The following EPHB4 variants were observed in gnomAD, a reference collection of about 807,000 sequenced individuals.
EPHB4 encodes the protein EPH receptor B4.
EPHB4 carries 50 observed loss-of-function variants against 110.6 expected under a neutral mutation model. That is an observed-to-expected ratio of 0.45 (90% CI 0.36 to 0.57). The LOEUF is 0.57. Ranked by LOEUF, EPHB4 falls within the 20% of genes least tolerant of loss-of-function variation. EPHB4 has a pLI of 0.00. For synonymous variants in EPHB4, 592 were observed against 578.4 expected (o/e 1.02, Z -0.34); for missense variants, 1,128 against 1,382.1 (o/e 0.82, Z 2.91).
At chr7:100,813,067 A>G (rs781362497) in intron 11 of EPHB4, 28 bp downstream of exon 11, 1 of 1,613,176 alleles carries the variant, frequency 6.2e-7, no homozygotes, top group East Asian at 2.2e-5. Context: ...CTTCGTTCCC[A>G]GGTGCCCGGG....
In EPHB4 at chr7:100,812,935, C is replaced by T. The variant is rs1812971931; in HGVS notation, c.1930G>A (p.Val644Met). 6.2e-7 allele frequency: 1 copy of T among 1,614,098 alleles called. No individual in the cohort carries two copies. Among genetic ancestry groups the T allele is most frequent in the African/African-American group, 1.3e-5 (1 of 74,948 alleles). ...CCACCCTTCAGGGTCTTGATTGCCA[C>T]ACAGCTCTCCTTCTTCCCTGGGGCC... ...LKAPGKKESCVAIKTLKGGYT... is the reference protein window; with the variant it reads ...LKAPGKKESCMAIKTLKGGYT... The change falls in exon 12 of 17, where the codon GTG (valine) becomes ATG (methionine). Residue 644 changes from valine to methionine, a missense_variant. This residue lies in a region of EPHB4 where 191 missense variants were observed against 313.0 expected (regional missense o/e 0.61). Transcript: ENST00000358173.
chr7:100,812,537 C>T (rs1001626076), intron 12 of EPHB4, among the ~76,000 whole-genome samples: 3 of 152,018 alleles, frequency 2.0e-5, no homozygotes, highest in African/African-American at 7.2e-5. Flanking sequence ...AGCAATGAGC[C>T]GAGATCGCGC....
In EPHB4 at chr7:100,824,417, C is replaced by T. The variant is rs1813320531; in HGVS notation, c.53-144G>A. Reference sequence around the variant, plus strand: ...GGCCAAGAGGGGAGCAAGCCCTGCCCTCTGCACCCGCCTGATTTCTGGCCT... The same window carrying T: ...GGCCAAGAGGGGAGCAAGCCCTGCCTTCTGCACCCGCCTGATTTCTGGCCT... On this transcript the variant is annotated intron_variant, in intron 1 of 16. Transcript: ENST00000358173. The T allele has an allele frequency of 8.8e-6, 7 of 792,168 alleles. No individual in the cohort carries two copies. In the South Asian group the frequency reaches 1.1e-4, roughly 13 times the overall value. 49.1% of individuals were successfully genotyped at this position (792,168 alleles called of 1,614,324 possible).
chr7:100,804,403 C>T (rs1375469617), intron 16 of EPHB4, among the ~76,000 whole-genome samples: 1 of 145,986 alleles, frequency 6.8e-6, no homozygotes, highest in Non-Finnish European at 1.5e-5. Flanking sequence ...CAACCTCCAC[C>T]TCCCGGGTTC....
intron 12 of EPHB4, 46 bp from the exon 13 acceptor site, chr7:100,807,626 C>T (rs1812845878): frequency 6.4e-7 from 1 of 1,571,556 alleles, no homozygotes; most frequent in Non-Finnish European, 8.7e-7. Context: ...AGCCCACCCA[C>T]CGTTCCCCCT....
intron 7 of EPHB4, 138 bp downstream of exon 7, chr7:100,818,382 G>T: frequency 7.6e-7 from 1 of 1,321,948 alleles, no homozygotes; most frequent in East Asian, 2.4e-5. Context: ...ACAGGCCAAG[G>T]GGCTTACCCA....
rs148350653 is a variant in EPHB4 at position 100,818,562 on chromosome 7, G to A, written c.1380C>T (p.Pro460=). ...CCTCGTAGTCCAGCACAGCCCCACTGGGTGCCCGGGGAACAGCCCAGGCCA... is the reference window on the plus strand; with the variant it reads ...CCTCGTAGTCCAGCACAGCCCCACTAGGTGCCCGGGGAACAGCCCAGGCCA... ...LSLAWAVPRA[P]SGAVLDYEVK... The change falls in exon 7 of 17, where the codon CCC becomes CCT. Residue 460 remains proline (P), a synonymous_variant. Coordinates refer to ENST00000358173, the MANE Select transcript of EPHB4 (RefSeq NM_004444.5). The A allele has an allele frequency of 1.2e-6, 2 of 1,614,012 alleles. No individual in the cohort carries two copies. The highest frequency in any genetic ancestry group is 1.7e-5 in the Admixed American group (1 of 60,016).
chr7:100,810,053 C>T (rs1422337237), intron 12 of EPHB4, among the ~76,000 whole-genome samples: 1 of 151,986 alleles, frequency 6.6e-6, no homozygotes, highest in Non-Finnish European at 1.5e-5. Flanking sequence ...AGTTCGAGAC[C>T]ATCCTGGCCA....
intron 16 of EPHB4, among the ~76,000 whole-genome samples, chr7:100,804,923 T>C (rs1812782763): frequency 1.3e-5 from 2 of 152,206 alleles, no homozygotes; most frequent in African/African-American, 4.8e-5. Context: ...GGAAGCGCGA[T>C]GGCCCAGGGC....
At chr7:100,811,327 T>C (rs1247599943) in intron 12 of EPHB4, among the ~76,000 whole-genome samples, 2 of 151,880 alleles carry the variant, frequency 1.3e-5, no homozygotes, top group Admixed American at 6.6e-5. Flanking sequence ...CCAAATAAAT[T>C]AAGCAGTTCT....
chr7:100,809,345 G>T (rs978673754), intron 12 of EPHB4, among the ~76,000 whole-genome samples: 4 of 152,050 alleles, frequency 2.6e-5, no homozygotes, highest in African/African-American at 9.7e-5. Flanking sequence ...GACCTCAAGT[G>T]ATCCACCTGC....
Position 100,819,612 on chromosome 7 carries a change from G to T in EPHB4, c.1242C>A (p.Ser414=). ...FEVTALNGVS[S]LATGPVPFEP... is the part of the protein sequence containing the mutation. The stretch of plus-strand genomic sequence containing the variant: ...CAAATGGGACGGGCCCCGTGGCTAA[G>T]GAGGATACCCCGTTCAATGCAGTGA... The change falls in exon 6 of 17, where the codon TCC becomes TCA. Residue 414 remains serine (S), a synonymous_variant. Coordinates refer to ENST00000358173, the MANE Select transcript of EPHB4 (RefSeq NM_004444.5). The T allele has an allele frequency of 6.3e-7, 1 of 1,598,670 alleles. No individual in the cohort carries two copies. Among genetic ancestry groups the T allele is most frequent in the South Asian group, 1.1e-5 (1 of 90,634 alleles).
rs147185568 is a variant in EPHB4 at position 100,816,571 on chromosome 7, T to C, written c.1588+621A>G. Among the ~76,000 whole-genome samples the C allele has an allele frequency of 8.7e-4, 131 of 151,006 alleles. 1 individual carries two copies. In the East Asian group the frequency reaches 0.022, roughly 25 times the overall value. On this transcript the variant is annotated intron_variant, in intron 8 of 16. Coordinates refer to ENST00000358173, the MANE Select transcript of EPHB4 (RefSeq NM_004444.5). The stretch of plus-strand genomic sequence containing the variant: ...CTGGTCTCGAACTCCTGACCTCAAG[T>C]GATCCTCCTGCTTCAGCCTCCCAAA...
At position 100,821,121 on chromosome 7, in the gene EPHB4, CCTT is replaced by C. The variant is rs1031350514; in HGVS notation, c.809-828_809-826del. 5 of 150,470 alleles carry C rather than the reference CCTT, an allele frequency of 3.3e-5. 1 individual carries two copies. The highest frequency in any genetic ancestry group is 2.1e-4 in the South Asian group (1 of 4,704). The allele number at this position is 150,470 out of a possible 1,614,324, so 9.3% of individuals were successfully genotyped here. A position where few individuals can be genotyped will look rare whatever the true frequency, so the allele number is the denominator to read the frequency against. ...CAGCCTGGGCAAAAAGAGCGAAACT[CCTT>C]CTTGTTGGAGTGCACTCCCAGACCG... On this transcript the variant is annotated intron_variant, in intron 4 of 16. Coordinates refer to ENST00000358173, the MANE Select transcript of EPHB4 (RefSeq NM_004444.5).
chr7:100,818,796 G>T, intron 6 of EPHB4, 152 bp from the exon 7 acceptor site: 1 of 1,015,366 alleles, frequency 9.8e-7, no homozygotes, highest in Non-Finnish European at 1.4e-6. Flanking sequence ...TCCGCCTCCT[G>T]GGTTCAAGCA....
Position 100,805,195 on chromosome 7 carries a change from G to A in EPHB4, c.2805C>T (p.Ser935=), listed in dbSNP as rs746627574. The part of the protein sequence containing the change: ...EESFAAAGFG[S]FELVSQISAE... ...CAGAGATCTGGCTGACCAGCTCGAA[G>A]GAGCCAAAGCCAGCGGCTGCGAAAC... is the stretch of plus-strand genomic sequence containing the variant. Residue 935 remains serine (S), a synonymous_variant, in exon 16 of 17, where the codon TCC becomes TCT. Transcript: ENST00000358173. 1.9e-6 allele frequency: 3 copies of A among 1,613,196 alleles called. No individual in the cohort carries two copies. The highest frequency in any genetic ancestry group is 1.7e-5 in the Admixed American group (1 of 59,874).
In EPHB4 at chr7:100,817,285, G is replaced by A. The variant is rs1256335424; in HGVS notation, c.1495C>T (p.Arg499Trp). The A allele has an allele frequency of 1.1e-5, 18 of 1,599,520 alleles. No homozygotes were observed. In the Admixed American group the frequency reaches 1.7e-4, roughly 15 times the overall value. ...ACCTGCACCAGGTAGCTGGCTCCCC[G>A]CTTCAGCCCCCGCAGCTCTGCCCGG... Reference protein sequence around the residue: ...ENRAELRGLKRGASYLVQVRA... With the variant: ...ENRAELRGLKWGASYLVQVRA... Residue 499 changes from arginine (R) to tryptophan (W), a missense_variant, in exon 8 of 17, where the codon CGG (arginine) becomes TGG (tryptophan). Physicochemically the swap from Arg to Trp is moderately radical, Grantham distance 101. This residue lies in a region of EPHB4 where 728 missense variants were observed against 828.6 expected (regional missense o/e 0.88). Coordinates refer to ENST00000358173, the MANE Select transcript of EPHB4 (RefSeq NM_004444.5).
chr7:100,813,135 G>T lies in EPHB4; in HGVS notation c.1830C>A (p.Ile610=), dbSNP rs760765847. 13 of 1,612,256 alleles carry T rather than the reference G, an allele frequency of 8.1e-6. No individual in the cohort carries two copies. The highest frequency in any genetic ancestry group is 1.0e-5 in the Non-Finnish European group (12 of 1,180,028). The change falls in exon 11 of 17, where the codon ATC becomes ATA. Residue 610 remains isoleucine, a synonymous_variant. Transcript: ENST00000358173. Reference sequence around the variant, plus strand: ...CTTCAATCTTGACGTAGGAGACATCGATCTCTTTTGCAAATTCCCTCACAG... The same window carrying T: ...CTTCAATCTTGACGTAGGAGACATCTATCTCTTTTGCAAATTCCCTCACAG... The part of the protein sequence containing the change: ...NEAVREFAKE[I]DVSYVKIEEV...
At chr7:100,817,082 CAAAAAAAA>C (rs35304729) in intron 8 of EPHB4, 102 bp downstream of exon 8, 2,840 of 779,318 alleles carry the variant, frequency 3.6e-3, no homozygotes, top group Non-Finnish European at 4.0e-3. Context: ...GACTCCATCT[CAAAAAAAA>C]AAAAAAAAAA....
Sources: allele counts gnomAD v4.1 joint callset (sites outside exome capture counted in the v4.1 genomes callset), GRCh38; gene constraint gnomAD v4.1.1; regional missense constraint gnomAD v4.1.1; transcripts MANE v1.5; gene names NCBI Gene and HGNC (gene_info 2026-07-23, HGNC 2026-07-21).